The following RBM34 variants were observed in gnomAD, a reference collection of about 807,000 sequenced individuals.
RBM34 encodes the protein RNA-binding protein 34.
Under a neutral mutation model 44.6 loss-of-function variants are expected in RBM34, and 39 were observed. That is an observed-to-expected ratio of 0.87 (90% CI 0.68 to 1.14). RBM34 has a LOEUF of 1.14. RBM34 is among the 50% of genes most tolerant of loss of function. The pLI is 0.00. For missense variants in RBM34, 572 were observed against 517.9 expected (o/e 1.10, Z -1.01); for synonymous variants, 194 against 184.0 (o/e 1.05, Z -0.44).
rs1662326824 is a variant in RBM34 at position 235,154,884 on chromosome 1, C to T, written c.594G>A (p.Lys198=). The T allele has an allele frequency of 6.2e-7, 1 of 1,610,962 alleles. No homozygotes were observed. The highest frequency in any genetic ancestry group is 1.7e-5 in the Admixed American group (1 of 59,952). The change falls in exon 4 of 11, where the codon AAG becomes AAA. Residue 198 remains lysine, a synonymous_variant. Coordinates refer to ENST00000408888, the MANE Select transcript of RBM34 (RefSeq NM_015014.4). ...CTTTTACCATATACAAACTCACCTTCTTATTACATGTAACAGGCAAATTCC... is the reference window on the plus strand; with the variant it reads ...CTTTTACCATATACAAACTCACCTTTTTATTACATGTAACAGGCAAATTCC... ...FVGNLPVTCN[K]KKLKSFFKEY... is the part of the protein sequence containing the mutation.
chr1:235,138,321 A>C, intron 6 of RBM34, 147 bp from the exon 7 acceptor site: 1 of 615,264 alleles, frequency 1.6e-6, no homozygotes, highest in Non-Finnish European at 2.8e-6. Flanking sequence ...TCTTTGAATA[A>C]ATATTTAGTA....
At chr1:235,160,785 AT>A in intron 2 of RBM34, 107 bp downstream of exon 2, 1 of 1,516,856 alleles carries the variant, frequency 6.6e-7, no homozygotes, top group African/African-American at 1.4e-5. Flanking sequence ...CTTAAAATGA[AT>A]CCTGTCTGCC....
chr1:235,136,179 A>G, intron 8 of RBM34, 106 bp from the exon 9 acceptor site: 1 of 882,750 alleles, frequency 1.1e-6, no homozygotes, highest in Non-Finnish European at 1.8e-6. Context: ...CAGGTCACCC[A>G]TCTTCTAATT....
chr1:235,138,771 G>A (rs1661545316), intron 6 of RBM34, among the ~76,000 whole-genome samples: 1 of 151,900 alleles, frequency 6.6e-6, no homozygotes, highest in South Asian at 2.1e-4. Flanking sequence ...CTTTGGTCTT[G>A]TCTATACTTT....
Position 235,138,180 on chromosome 1 carries a change from C to G in RBM34, c.702-6G>C, listed in dbSNP as rs139768193. 6.6e-6 allele frequency: 10 copies of G among 1,524,976 alleles called. No individual in the cohort carries two copies. The highest frequency in any genetic ancestry group is 8.8e-6 in the Non-Finnish European group (10 of 1,133,914). The allele number at this position is 1,524,976 out of a possible 1,614,324, so 94.5% of individuals were successfully genotyped here. A position where few individuals can be genotyped will look rare whatever the true frequency, so the allele number is the denominator to read the frequency against. On this transcript the variant is annotated splice_polypyrimidine_tract_variant and splice_region_variant and intron_variant, in intron 6 of 10. Coordinates refer to ENST00000408888, the MANE Select transcript of RBM34 (RefSeq NM_015014.4). ...GATCAGGATGAATTTTACGTCTACA[C>G]CAAAAAAAAAAAAAGAAAGAAAGAA...
At chr1:235,148,744 G>A (rs1558144654) in intron 5 of RBM34, among the ~76,000 whole-genome samples, 1 of 151,838 alleles carries the variant, frequency 6.6e-6, no homozygotes, top group African/African-American at 2.4e-5. Flanking sequence ...GACTACAGGC[G>A]CCCGCCACCA....
intron 10 of RBM34, among the ~76,000 whole-genome samples, chr1:235,135,162 G>C (rs1436574879): frequency 7.6e-6 from 1 of 132,292 alleles, no homozygotes; most frequent in Non-Finnish European, 1.6e-5. Context: ...CTCCTTCCTC[G>C]GCCTCCCAAG....
At chr1:235,147,287 G>A (rs1661945823) in intron 6 of RBM34, among the ~76,000 whole-genome samples, 2 of 152,188 alleles carry the variant, frequency 1.3e-5, no homozygotes, top group South Asian at 4.1e-4. Context: ...GGCTGGAGGA[G>A]AAGCTGACGG....
intron 3 of RBM34, chr1:235,156,794 CAA>C (rs568616364): frequency 4.7e-4 from 151 of 323,926 alleles, no homozygotes; most frequent in African/African-American, 3.2e-3. Flanking sequence ...TCTGAGGATA[CAA>C]AGATAAAGAA....
chr1:235,137,857 A>G lies in RBM34; in HGVS notation c.849+20T>C. 5 of 1,556,766 alleles carry G rather than the reference A, an allele frequency of 3.2e-6. No individual in the cohort carries two copies. The highest frequency in any genetic ancestry group is 4.4e-6 in the Non-Finnish European group (5 of 1,136,472). On this transcript the variant is annotated intron_variant, in intron 8 of 10. Coordinates refer to ENST00000408888, the MANE Select transcript of RBM34 (RefSeq NM_015014.4). The stretch of plus-strand genomic sequence containing the variant: ...TCTCTACAAAGCTCTCGTTCTTTAA[A>G]CAAATCAAGTACTACTTACAGATGA...
At chr1:235,138,791 ATG>A (rs1238294709) in intron 6 of RBM34, among the ~76,000 whole-genome samples, 5 of 148,238 alleles carry the variant, frequency 3.4e-5, no homozygotes, top group Admixed American at 6.7e-5. Context: ...TTGACCTGAT[ATG>A]TCTTTTGAAT....
intron 7 of RBM34, 54 bp from the exon 8 acceptor site, chr1:235,137,994 TAA>T (rs1396150154): frequency 1.3e-6 from 2 of 1,542,748 alleles, no homozygotes; most frequent in East Asian, 4.5e-5. Flanking sequence ...ACTCGATTAC[TAA>T]AACATCTATG....
Position 235,152,607 on chromosome 1 carries a change from G to A in RBM34, c.657+99C>T, listed in dbSNP as rs573507238. On this transcript the variant is annotated intron_variant, in intron 5 of 10. Coordinates refer to ENST00000408888, the MANE Select transcript of RBM34 (RefSeq NM_015014.4). ...AAATTTGAACCTATTGATTCAAAAG[G>A]TTAAAGTGCTTCACCATCTCACTAA... 5 of 1,538,156 alleles carry A rather than the reference G, an allele frequency of 3.3e-6. No homozygotes were observed. In the African/African-American group the frequency reaches 5.6e-5, roughly 17 times the overall value.
At chr1:235,145,567 C>G (rs1173583131) in intron 6 of RBM34, among the ~76,000 whole-genome samples, 1 of 152,176 alleles carries the variant, frequency 6.6e-6, no homozygotes, top group Middle Eastern at 3.2e-3. Context: ...CATGAGCCAT[C>G]TTCCCTGGCC....
At chr1:235,137,756 G>C (rs1462328390) in intron 8 of RBM34, 121 bp downstream of exon 8, 1 of 708,370 alleles carries the variant, frequency 1.4e-6, no homozygotes, top group Non-Finnish European at 2.3e-6. Context: ...AGAGGACATA[G>C]GCTGTTTCCT....
chr1:235,140,054 C>T (rs1231587501), intron 6 of RBM34, among the ~76,000 whole-genome samples: 8 of 152,216 alleles, frequency 5.3e-5, no homozygotes, highest in African/African-American at 1.9e-4. Context: ...GCCTGGAGGA[C>T]GGAATGGCCA....
chr1:235,145,156 A>G (rs949636339), intron 6 of RBM34, among the ~76,000 whole-genome samples: 3 of 152,346 alleles, frequency 2.0e-5, no homozygotes, highest in South Asian at 4.1e-4. Context: ...AATAAGACTA[A>G]TAATTCAAAT....
chr1:235,148,496 C>G, intron 5 of RBM34, 49 bp from the exon 6 acceptor site: 4 of 1,386,756 alleles, frequency 2.9e-6, no homozygotes, highest in Non-Finnish European at 3.0e-6. Context: ...GAAGTATTAC[C>G]TCAAATTAAT....
chr1:235,147,931 T>C (rs963296883), intron 6 of RBM34, among the ~76,000 whole-genome samples: 1 of 152,040 alleles, frequency 6.6e-6, no homozygotes, highest in South Asian at 2.1e-4. Context: ...TTCTTGACAC[T>C]GAGTGGGAAA....
Sources: gnomAD v4.1 joint callset for allele counts (sites outside exome capture counted in the v4.1 genomes callset) on GRCh38, gnomAD v4.1.1 for gene constraint, MANE v1.5 for transcripts, NCBI Gene and HGNC (gene_info 2026-07-23, HGNC 2026-07-21) for gene names.